DCDC1: variants seen among roughly 807,000 people sequenced by gnomAD.
The protein encoded by DCDC1 is doublecortin domain containing 1.
A neutral mutation model predicts 178.3 loss-of-function variants in DCDC1; 200 were observed. The ratio of observed to expected loss-of-function variants is 1.12; its 90% CI spans 1.00 to 1.26. The LOEUF (loss-of-function observed/expected upper bound fraction) is 1.26, where lower values mean the gene tolerates loss of function less well. DCDC1 is among the 50% of genes most tolerant of loss of function. DCDC1 has a pLI of 0.00. For synonymous variants in DCDC1, 690 were observed against 604.8 expected (o/e 1.14, Z -2.07); for missense variants, 1,983 against 1,749.2 (o/e 1.13, Z -2.38).
chr11:31,291,566 G>A (rs1281469266), intron 6 of DCDC1, among the ~76,000 whole-genome samples: 2 of 152,040 alleles, frequency 1.3e-5, no homozygotes, highest in Non-Finnish European at 2.9e-5. Flanking sequence ...GAAGAGGAGT[G>A]CAGTATATTG....
intron 3 of DCDC1, among the ~76,000 whole-genome samples, chr11:31,311,469 A>T (rs1303203421): frequency 6.6e-6 from 1 of 152,252 alleles, no homozygotes; most frequent in Non-Finnish European, 1.5e-5. Context: ...TACAATTTAA[A>T]TTTCTGTCAG....
chr11:31,064,610 G>A lies in DCDC1; in HGVS notation c.2450C>T (p.Ala817Val), dbSNP rs372833051. 1.3e-6 allele frequency: 1 copy of A among 765,528 alleles called. No individual in the cohort carries two copies. The highest frequency in any genetic ancestry group is 2.4e-6 in the Non-Finnish European group (1 of 417,492). The allele number at this position is 765,528 out of a possible 1,614,324, so 47.4% of individuals were successfully genotyped here. Reference protein sequence around the residue: ...NLAEEVLQESASNLGLKQLPE... With the variant: ...NLAEEVLQESVSNLGLKQLPE... Reference sequence around the variant, plus strand: ...CAGTTGCTTCAGACCAAGGTTGCTGGCACTTTCTTGCAGAACCTAATAAAT... The same window carrying A: ...CAGTTGCTTCAGACCAAGGTTGCTGACACTTTCTTGCAGAACCTAATAAAT... The change falls in exon 20 of 39, where the codon GCC becomes GTC. Residue 817 changes from alanine to valine, a missense_variant. Physicochemically the swap from Ala to Val is moderately conservative, Grantham distance 64 (BLOSUM62 0). Transcript: ENST00000684477.
chr11:30,890,623 G>C (rs1382628156), intron 36 of DCDC1, among the ~76,000 whole-genome samples: 1 of 152,036 alleles, frequency 6.6e-6, no homozygotes, highest in Non-Finnish European at 1.5e-5. Flanking sequence ...AAAAAATCTG[G>C]ACTTACCGTA....
chr11:30,905,723 C>T (rs946364778), intron 30 of DCDC1, among the ~76,000 whole-genome samples: 3 of 152,208 alleles, frequency 2.0e-5, no homozygotes, highest in Non-Finnish European at 4.4e-5. Flanking sequence ...AACTCCTCAC[C>T]ATCTCCTTAA....
At chr11:31,278,177 G>A (rs1336435606) in intron 7 of DCDC1, among the ~76,000 whole-genome samples, 1 of 152,028 alleles carries the variant, frequency 6.6e-6, no homozygotes, top group African/African-American at 2.4e-5. Flanking sequence ...TATCAAGAAT[G>A]ATTTACCCAT....
rs555711941 is a variant in DCDC1, at chr11:31,327,408, G to A, written c.164+709C>T. On this transcript the variant is annotated intron_variant, in intron 3 of 38. Coordinates refer to ENST00000684477, the MANE Select transcript of DCDC1 (RefSeq NM_001387274.1). ...TGGTCTCAAACTCCCGACCTCAGGT[G>A]ATCTGCCCGCCTCAGTCTTCCAAAG... Among the ~76,000 whole-genome samples the A allele has an allele frequency of 7.2e-5, 11 of 152,210 alleles. 1 individual carries two copies. In the East Asian group the frequency reaches 1.6e-3, roughly 21 times the overall value.
chr11:31,168,192 T>C (rs572513543), intron 9 of DCDC1, among the ~76,000 whole-genome samples: 1 of 152,332 alleles, frequency 6.6e-6, no homozygotes, highest in South Asian at 2.1e-4. Flanking sequence ...TCAATCTCTT[T>C]AAACTCCTTT....
intron 9 of DCDC1, among the ~76,000 whole-genome samples, chr11:31,176,419 A>C (rs901630421): frequency 6.6e-6 from 1 of 152,222 alleles, no homozygotes; most frequent in Admixed American, 6.5e-5. Flanking sequence ...AAACAAAGAA[A>C]TATTCACATT....
At position 30,925,197 on chromosome 11, in the gene DCDC1, G is replaced by C. The variant is rs935200901; in HGVS notation, c.2997+112C>G. 1.2e-5 allele frequency: 11 copies of C among 927,490 alleles called. No homozygotes were observed. In the Admixed American group the frequency reaches 2.4e-4, roughly 20 times the overall value. The allele number at this position is 927,490 out of a possible 1,614,324, so 57.5% of individuals were successfully genotyped here. Reference sequence around the variant, plus strand: ...GTTTGCTCAGTTAGGATAATTCTGAGAGAAAATAAGAATTAAAATGGTAAG... The same window carrying C: ...GTTTGCTCAGTTAGGATAATTCTGACAGAAAATAAGAATTAAAATGGTAAG... On this transcript the variant is annotated intron_variant, in intron 23 of 38. Coordinates refer to ENST00000684477, the MANE Select transcript of DCDC1 (RefSeq NM_001387274.1).
chr11:30,868,593 C>G (rs1941241018), intron 38 of DCDC1, among the ~76,000 whole-genome samples: 1 of 152,024 alleles, frequency 6.6e-6, no homozygotes, highest in Non-Finnish European at 1.5e-5. Flanking sequence ...TCATCTGGGC[C>G]TGCAGCACCC....
intron 9 of DCDC1, among the ~76,000 whole-genome samples, chr11:31,213,125 CT>C (rs1337996330): frequency 4.6e-4 from 61 of 132,358 alleles, no homozygotes; most frequent in Non-Finnish European, 8.4e-4. Flanking sequence ...CTCTCTCTCT[CT>C]CTCTCTCTCT....
At position 30,944,682 on chromosome 11, in the gene DCDC1, T is replaced by G. The variant is rs571707927; in HGVS notation, c.2715+7763A>C. On this transcript the variant is annotated intron_variant, in intron 21 of 38. Coordinates refer to ENST00000684477, the MANE Select transcript of DCDC1 (RefSeq NM_001387274.1). ...TTGAGTTTCCCTGCTTGGTAAGTAT[T>G]CTCTTCTCTTCCTCAGACATTTCAA... 2.0e-3 allele frequency among the ~76,000 whole-genome samples: 298 copies of G among 151,096 alleles called. 1 individual carries two copies. The highest frequency in any genetic ancestry group is 6.9e-3 in the African/African-American group (279 of 40,418).
At chr11:31,358,220 G>A (rs543522548) in intron 1 of DCDC1, among the ~76,000 whole-genome samples, 19 of 152,082 alleles carry the variant, frequency 1.2e-4, no homozygotes, top group African/African-American at 3.6e-4. Context: ...AAACAGCATG[G>A]TACTGGTACC....
At chr11:31,329,662 T>C (rs866282907) in intron 2 of DCDC1, among the ~76,000 whole-genome samples, 1 of 152,182 alleles carries the variant, frequency 6.6e-6, no homozygotes, top group Non-Finnish European at 1.5e-5. Context: ...TGGTTTTCTG[T>C]CCTTGTGATA....
intron 9 of DCDC1, among the ~76,000 whole-genome samples, chr11:31,227,848 G>A (rs1322178819): frequency 6.6e-6 from 1 of 151,866 alleles, no homozygotes; most frequent in Non-Finnish European, 1.5e-5. Context: ...AAGAAAATTG[G>A]AGTAGCTTTA....
Position 31,250,858 on chromosome 11 carries a change from G to T in DCDC1, c.1055-9242C>A, listed in dbSNP as rs141674526. Among the ~76,000 whole-genome samples the T allele has an allele frequency of 5.8e-3, 883 of 151,750 alleles. 10 individuals are homozygous for T. The highest frequency in any genetic ancestry group is 0.02 in the African/African-American group (841 of 41,414). ...CAACCACCACCTCCTGGGTTCAAGC[G>T]ATTCTCCTGCCTCAGCCTCCCAAGT... On this transcript the variant is annotated intron_variant, in intron 8 of 38. Coordinates refer to ENST00000684477, the MANE Select transcript of DCDC1 (RefSeq NM_001387274.1).
intron 20 of DCDC1, among the ~76,000 whole-genome samples, chr11:30,997,925 C>T (rs1318777000): frequency 2.0e-5 from 3 of 151,964 alleles, no homozygotes; most frequent in Non-Finnish European, 4.4e-5. Flanking sequence ...ATAGCTGATT[C>T]TATATTGCAG....
chr11:31,070,651 G>A (rs1376270382), intron 18 of DCDC1, among the ~76,000 whole-genome samples: 1 of 152,174 alleles, frequency 6.6e-6, no homozygotes, highest in Non-Finnish European at 1.5e-5. Flanking sequence ...TAAAGATTGA[G>A]TAAGAACATG....
chr11:31,078,363 T>G (rs976305591), intron 17 of DCDC1, among the ~76,000 whole-genome samples: 2 of 152,126 alleles, frequency 1.3e-5, no homozygotes, highest in African/African-American at 4.8e-5. Flanking sequence ...GCTAGAGAAT[T>G]TTGTCAGGGA....
Sources: gnomAD v4.1 joint callset for allele counts (sites outside exome capture counted in the v4.1 genomes callset) on GRCh38, gnomAD v4.1.1 for gene constraint, MANE v1.5 for transcripts, NCBI Gene and HGNC (gene_info 2026-07-23, HGNC 2026-07-21) for gene names.